TMEM233: variants seen among roughly 807,000 people sequenced by gnomAD.
The protein encoded by TMEM233 is dispanin subfamily B member 2.
TMEM233 carries 6 observed loss-of-function variants against 11.2 expected under a neutral mutation model. The observed-to-expected ratio is 0.54, with a 90% CI of 0.29 to 1.06. The LOEUF is 1.06. Ranked by LOEUF, TMEM233 falls within the 50% of genes least tolerant of loss-of-function variation. TMEM233 has a pLI of 0.08. For missense variants in TMEM233, 127 were observed against 144.7 expected, an observed-to-expected ratio of 0.88 and a Z score of 0.63; for synonymous variants, 59 against 55.8, an observed-to-expected ratio of 1.06 and a Z score of -0.26.
At chr12:119,648,155 C>G in the TMEM233 span, among the ~76,000 whole-genome samples, 3 of 152,184 alleles carry the variant, frequency 2.0e-5, no homozygotes, top group Admixed American at 1.3e-4. Context: ...ATCTCTAAGG[C>G]AACCACCCCA....
chr12:119,629,812 C>G lies in TMEM233; in HGVS notation c.263C>G (p.Ala88Gly). 2 of 1,551,702 alleles carry G rather than the reference C, an allele frequency of 1.3e-6. No homozygotes were observed. Among genetic ancestry groups the G allele is most frequent in the Non-Finnish European group, 8.7e-7 (1 of 1,146,990 alleles). ...LGRNAKWVAIASIIIGLLIIG... is the reference protein window; with the variant it reads ...LGRNAKWVAIGSIIIGLLIIG... The stretch of plus-strand genomic sequence containing the variant: ...CGGAATGCTAAGTGGGTAGCCATCG[C>G]CTCCATCATCATTGGCCTTCTCATC... Residue 88 changes from alanine to glycine, a missense_variant, in exon 2 of 3, where the codon GCC (alanine) becomes GGC (glycine). Ala to Gly is a moderately conservative substitution (Grantham distance 60). Transcript: ENST00000426426.
At chr12:119,651,322 C>A in the TMEM233 span, among the ~76,000 whole-genome samples, 1 of 152,206 alleles carries the variant, frequency 6.6e-6, no homozygotes, top group Non-Finnish European at 1.5e-5. Flanking sequence ...GCTCTTCAGG[C>A]TACAAACTTC....
chr12:119,602,982 C>T (rs1457228047), intron 1 of TMEM233, among the ~76,000 whole-genome samples: 4 of 152,154 alleles, frequency 2.6e-5, no homozygotes, highest in Middle Eastern at 3.4e-3. Flanking sequence ...GGGCCAGGCA[C>T]GGAAGCTCAT....
At chr12:119,626,177 GAAAA>G (rs1954752605) in intron 1 of TMEM233, among the ~76,000 whole-genome samples, 1 of 152,022 alleles carries the variant, frequency 6.6e-6, no homozygotes, top group African/African-American at 2.4e-5. Context: ...GGTATATTGA[GAAAA>G]CTACATAGGG....
chr12:119,639,080 G>A (rs554838543), intron 2 of TMEM233, among the ~76,000 whole-genome samples: 10 of 151,986 alleles, frequency 6.6e-5, no homozygotes, highest in African/African-American at 1.5e-4. Flanking sequence ...TGCACTTGCC[G>A]TTCCCTCTGC....
chr12:119,601,016 G>C (rs1407085083), intron 1 of TMEM233, among the ~76,000 whole-genome samples: 1 of 151,890 alleles, frequency 6.6e-6, no homozygotes, highest in Non-Finnish European at 1.5e-5. Context: ...AAATAGTCAA[G>C]AATATATATA....
downstream of TMEM233, among the ~76,000 whole-genome samples, chr12:119,644,959 A>C (rs1257575816): frequency 6.6e-6 from 1 of 152,198 alleles, no homozygotes; most frequent in Non-Finnish European, 1.5e-5. Flanking sequence ...ACACACAAAC[A>C]ATGAGAAGGA....
chr12:119,628,746 C>A (rs975909019), intron 1 of TMEM233, among the ~76,000 whole-genome samples: 3 of 148,074 alleles, frequency 2.0e-5, no homozygotes, highest in Non-Finnish European at 3.0e-5. Flanking sequence ...GTGATCTGCC[C>A]ATCTCATCCT....
At chr12:119,608,818 T>C (rs1393530098) in intron 1 of TMEM233, among the ~76,000 whole-genome samples, 1 of 152,248 alleles carries the variant, frequency 6.6e-6, no homozygotes, top group East Asian at 1.9e-4. Flanking sequence ...CATTCATTTA[T>C]TCATTTATTC....
chr12:119,622,026 T>C (rs781549038), intron 1 of TMEM233, among the ~76,000 whole-genome samples: 9 of 152,200 alleles, frequency 5.9e-5, no homozygotes, highest in Non-Finnish European at 1.2e-4. Context: ...CAAAAGGTAG[T>C]GATGAAGTTG....
At chr12:119,648,391 C>A in the TMEM233 span, among the ~76,000 whole-genome samples, 5 of 152,206 alleles carry the variant, frequency 3.3e-5, no homozygotes, top group African/African-American at 4.8e-5. Context: ...TACTCTATAG[C>A]TATTTGCTGA....
intron 1 of TMEM233, among the ~76,000 whole-genome samples, chr12:119,599,568 C>T (rs1351705003): frequency 2.6e-5 from 4 of 152,124 alleles, no homozygotes; most frequent in Admixed American, 6.5e-5. Context: ...ACTAATTTTA[C>T]GTAGTAGATG....
chr12:119,616,796 G>T (rs1009973261), intron 1 of TMEM233, among the ~76,000 whole-genome samples: 1 of 152,230 alleles, frequency 6.6e-6, no homozygotes, highest in South Asian at 2.1e-4. Context: ...TGCTGTTCTT[G>T]TGATAGTGGG....
In TMEM233 at chr12:119,640,924, T is replaced by C; in HGVS notation, c.*219T>C. The C allele has an allele frequency of 2.0e-6, 1 of 498,784 alleles. No individual in the cohort carries two copies. The highest frequency in any genetic ancestry group is 3.5e-6 in the Non-Finnish European group (1 of 286,822). The allele number at this position is 498,784 out of a possible 1,614,324, so 30.9% of individuals were successfully genotyped here. On this transcript the variant is annotated 3_prime_UTR_variant, in exon 3 of 3. Coordinates refer to ENST00000426426, the MANE Select transcript of TMEM233 (RefSeq NM_001136534.3). ...GCACAGCCGGATCAGCCAAAGTCAT[T>C]GATTTGTAAAAATGAAAAGAAAACA... is the stretch of plus-strand genomic sequence containing the variant.
chr12:119,650,760 A>G, the TMEM233 span, among the ~76,000 whole-genome samples: 45 of 152,334 alleles, frequency 3.0e-4, no homozygotes, highest in Non-Finnish European at 8.8e-5. Context: ...CTCCTGCCTC[A>G]GCCTCCCCAG....
chr12:119,600,154 T>C (rs1325820805), intron 1 of TMEM233, among the ~76,000 whole-genome samples: 2 of 134,404 alleles, frequency 1.5e-5, no homozygotes, highest in East Asian at 2.1e-4. Context: ...TTATCAGACA[T>C]ATGAAAAACT....
chr12:119,594,368 A>G lies in TMEM233; in HGVS notation c.186+334A>G. 3.8e-6 allele frequency: 1 copy of G among 263,200 alleles called. No individual in the cohort carries two copies. The highest frequency in any genetic ancestry group is 7.2e-6 in the Non-Finnish European group (1 of 138,164). The allele number at this position is 263,200 out of a possible 1,614,324, so 16.3% of individuals were successfully genotyped here. On this transcript the variant is annotated intron_variant, in intron 1 of 2. Transcript: ENST00000426426. The surrounding 1 kb of genome is among the most constrained non-coding windows in gnomAD (Gnocchi z 5.6). ...CTTTGCTGACTCCTCTGACCTTCCT[A>G]GGCACTTGCCCGGGGCTTCTCAACC...
chr12:119,651,656 A>G, the TMEM233 span, among the ~76,000 whole-genome samples: 2 of 59,800 alleles, frequency 3.3e-5, no homozygotes, highest in African/African-American at 2.3e-4. Flanking sequence ...GTCTCTACTA[A>G]ATATACAAAA....
the TMEM233 span, among the ~76,000 whole-genome samples, chr12:119,649,517 G>C: frequency 1.3e-5 from 2 of 152,076 alleles, no homozygotes; most frequent in Admixed American, 1.3e-4. Flanking sequence ...GAAACAAACT[G>C]GAAGAAAATC....
Sources: allele counts gnomAD v4.1 joint callset (sites outside exome capture counted in the v4.1 genomes callset), GRCh38; gene constraint gnomAD v4.1.1; non-coding constraint Gnocchi (gnomAD v3.1); transcripts MANE v1.5; gene names NCBI Gene and HGNC (gene_info 2026-07-23, HGNC 2026-07-21).